Variants in MEI1 observed in about 807,000 individuals in gnomAD.
MEI1 encodes the protein meiotic double-stranded break formation protein 1.
MEI1 carries 103 observed loss-of-function variants against 146.2 expected under a neutral mutation model. That is an observed-to-expected ratio of 0.70 (90% CI 0.60 to 0.83). The LOEUF (loss-of-function observed/expected upper bound fraction) is 0.83, where lower values mean the gene tolerates loss of function less well. Among genes scored for constraint, MEI1 ranks in the 40% least tolerant of loss-of-function variants. The pLI is 0.00. For missense variants in MEI1, 1,529 were observed against 1,533.0 expected, an observed-to-expected ratio of 1.00 and a Z score of 0.04; for synonymous variants, 652 against 628.2, an observed-to-expected ratio of 1.04 and a Z score of -0.57.
chr22:41,745,660 A>C (rs1296638992), intron 13 of MEI1, among the ~76,000 whole-genome samples: 2 of 152,142 alleles, frequency 1.3e-5, no homozygotes, highest in Non-Finnish European at 2.9e-5. Flanking sequence ...AATGGGGTAG[A>C]AGTACACATA....
chr22:41,702,885 A>T (rs2068820534), intron 1 of MEI1, among the ~76,000 whole-genome samples: 2 of 151,952 alleles, frequency 1.3e-5, no homozygotes, highest in African/African-American at 4.8e-5. Context: ...ATGCCCGAGT[A>T]ATTTTTTTAT....
intron 24 of MEI1, among the ~76,000 whole-genome samples, chr22:41,782,776 CT>C (rs2075812590): frequency 6.6e-6 from 1 of 152,218 alleles, no homozygotes; most frequent in Admixed American, 6.5e-5. Flanking sequence ...ATCCAGCTGT[CT>C]GCAGTCACCT....
chr22:41,799,224 T>C (rs2076490734), intron 30 of MEI1, 30 bp from the exon 31 acceptor site: 11 of 1,612,190 alleles, frequency 6.8e-6, no homozygotes, highest in Non-Finnish European at 9.3e-6. Context: ...CCCACTTCTC[T>C]GCTGTTTTCC....
intron 26 of MEI1, among the ~76,000 whole-genome samples, chr22:41,786,104 G>A (rs1261647480): frequency 6.0e-5 from 9 of 148,796 alleles, no homozygotes; most frequent in African/African-American, 2.0e-4. Flanking sequence ...TAGAGACGGG[G>A]TTTCACCGTG....
At chr22:41,765,235 C>CT (rs1466122756) in intron 19 of MEI1, among the ~76,000 whole-genome samples, 4 of 152,182 alleles carry the variant, frequency 2.6e-5, no homozygotes, top group Non-Finnish European at 5.9e-5. Flanking sequence ...AGGCTGGTCT[C>CT]TAACTCCTGA....
intron 26 of MEI1, among the ~76,000 whole-genome samples, chr22:41,788,525 C>T (rs111232436): frequency 0.017 from 2,604 of 152,226 alleles, 72 homozygotes; most frequent in African/African-American, 0.058. Context: ...ACTGCAACCT[C>T]CACCTCCTGG....
At chr22:41,729,282 A>G (rs1209457201) in intron 7 of MEI1, among the ~76,000 whole-genome samples, 3 of 151,496 alleles carry the variant, frequency 2.0e-5, no homozygotes, top group Non-Finnish European at 4.4e-5. Context: ...GCAGTGAGCC[A>G]TGAGCCATGA....
At chr22:41,780,203 A>G (rs967044901) in intron 22 of MEI1, among the ~76,000 whole-genome samples, 1 of 152,208 alleles carries the variant, frequency 6.6e-6, no homozygotes, top group African/African-American at 2.4e-5. Flanking sequence ...AAACCCACAC[A>G]TGAAATGTAA....
At chr22:41,745,182 A>G in intron 13 of MEI1, 118 bp downstream of exon 13, 1 of 727,028 alleles carries the variant, frequency 1.4e-6, no homozygotes, top group Non-Finnish European at 2.1e-6. Context: ...TGTATGGCAA[A>G]GAGGACTTTG....
intron 26 of MEI1, among the ~76,000 whole-genome samples, chr22:41,785,061 C>CGGGTA: frequency 6.6e-6 from 1 of 151,088 alleles, no homozygotes; most frequent in East Asian, 2.0e-4. Flanking sequence ...CTTAGCCTCC[C>CGGGTA]GGGTAGCTGG....
intron 17 of MEI1, among the ~76,000 whole-genome samples, chr22:41,757,951 A>G (rs1947463698): frequency 6.6e-6 from 1 of 152,064 alleles, no homozygotes; most frequent in African/African-American, 2.4e-5. Context: ...TACTAAAAAT[A>G]CAAAAAATTA....
Position 41,703,390 on chromosome 22 carries a change from C to G in MEI1, c.234C>G (p.Ser78=), listed in dbSNP as rs764338901. ...CFQDALVRHT[S]LVTQLVSQDQ... is the part of the protein sequence containing the mutation. ...AAGATGCCCTTGTGAGGCATACCTC[C>G]CTGGTCACGCAACTGGTGTCTCAGG... Residue 78 remains serine, a synonymous_variant, in exon 2 of 31, where the codon TCC becomes TCG. Transcript: ENST00000401548. The G allele has an allele frequency of 2.5e-6, 4 of 1,610,946 alleles. No individual in the cohort carries two copies. Among genetic ancestry groups the G allele is most frequent in the Middle Eastern group, 1.6e-4 (1 of 6,062 alleles).
Position 41,778,718 on chromosome 22 carries a change from C to A in MEI1, c.2721C>A (p.Asn907Lys), listed in dbSNP as rs765874114. 7 of 1,603,998 alleles carry A rather than the reference C, an allele frequency of 4.4e-6. No homozygotes were observed. In the African/African-American group the frequency reaches 9.4e-5, roughly 21 times the overall value. Residue 907 changes from asparagine (N) to lysine (K), a missense_variant, in exon 22 of 31, where the codon AAC (asparagine) becomes AAA (lysine). Physicochemically the swap from Asn to Lys is moderately conservative, Grantham distance 94. This residue lies in a region of MEI1 where 1,212 missense variants were observed against 1,178.9 expected (regional missense o/e 1.03). Transcript: ENST00000401548. ...CCTTGTTCTTCACAGCCTCGGGGAA[C>A]CTACCATTGCTGCTGAGCCTCCTCT... The part of the protein sequence containing the change: ...HGASPSGASG[N>K]LPLLLSLLSL...
intron 2 of MEI1, among the ~76,000 whole-genome samples, chr22:41,704,979 G>T (rs1000044144): frequency 3.9e-5 from 6 of 152,152 alleles, no homozygotes; most frequent in African/African-American, 1.4e-4. Flanking sequence ...CTCCCAAAGT[G>T]CTGGAATTAC....
chr22:41,718,727 T>G (rs184259636), intron 6 of MEI1, among the ~76,000 whole-genome samples: 129 of 152,210 alleles, frequency 8.5e-4, no homozygotes, highest in African/African-American at 2.9e-3. Flanking sequence ...TTCAGAAATT[T>G]ATTGGTTTGT....
intron 19 of MEI1, among the ~76,000 whole-genome samples, chr22:41,763,782 A>G (rs1019985647): frequency 5.3e-5 from 8 of 151,966 alleles, no homozygotes; most frequent in Non-Finnish European, 1.2e-4. Context: ...AATTAAAAAA[A>G]AACAACAACT....
At chr22:41,720,279 G>C (rs547938674) in intron 6 of MEI1, among the ~76,000 whole-genome samples, 49 of 152,186 alleles carry the variant, frequency 3.2e-4, no homozygotes, top group African/African-American at 1.1e-3. Context: ...CTTGCAGCAG[G>C]GCAGTGTTGG....
At chr22:41,751,518 G>A (rs1010000657) in intron 15 of MEI1, among the ~76,000 whole-genome samples, 6 of 152,092 alleles carry the variant, frequency 3.9e-5, no homozygotes, top group East Asian at 1.9e-4. Flanking sequence ...AGTGGCTCAC[G>A]CCTGTAATCC....
At chr22:41,745,130 G>C (rs2073191429) in intron 13 of MEI1, 66 bp downstream of exon 13, 1 of 1,150,462 alleles carries the variant, frequency 8.7e-7, no homozygotes, top group Non-Finnish European at 1.2e-6. Context: ...TTCAGACAAT[G>C]GGTGAAGTTC....
Sources: allele counts gnomAD v4.1 joint callset (sites outside exome capture counted in the v4.1 genomes callset), GRCh38; gene constraint gnomAD v4.1.1; regional missense constraint gnomAD v4.1.1; transcripts MANE v1.5; gene names NCBI Gene and HGNC (gene_info 2026-07-23, HGNC 2026-07-21).